R3HDM1: variants seen among roughly 807,000 people sequenced by gnomAD.
R3HDM1 encodes R3H domain-containing protein 1.
Under a neutral mutation model 141.1 loss-of-function variants are expected in R3HDM1, and 46 were observed. The ratio of observed to expected loss-of-function variants is 0.33; its 90% confidence interval spans 0.26 to 0.42. R3HDM1 has a LOEUF of 0.42. Ranked by LOEUF, R3HDM1 falls within the 10% of genes least tolerant of loss-of-function variation. The pLI, the probability that R3HDM1 is intolerant of heterozygous loss-of-function variation, is 1.00. For synonymous variants in R3HDM1, 435 were observed against 472.9 expected, an observed-to-expected ratio of 0.92 and a Z score of 1.04; for missense variants, 1,184 against 1,368.3, an observed-to-expected ratio of 0.87 and a Z score of 2.12.
chr2:135,697,138 A>G (rs2073362498), intron 21 of R3HDM1, among the ~76,000 whole-genome samples: 1 of 152,194 alleles, frequency 6.6e-6, no homozygotes. Flanking sequence ...CACCTTTACT[A>G]AAAATACAAG....
chr2:135,674,288 A>C (rs2068814869), intron 19 of R3HDM1, among the ~76,000 whole-genome samples: 1 of 152,238 alleles, frequency 6.6e-6, no homozygotes, highest in African/African-American at 2.4e-5. Flanking sequence ...GATATAAATG[A>C]AAACTGATAA....
intron 15 of R3HDM1, 125 bp downstream of exon 15, chr2:135,641,915 C>A (rs2063823728): frequency 8.3e-7 from 1 of 1,210,364 alleles, no homozygotes; most frequent in Non-Finnish European, 1.1e-6. Flanking sequence ...TTTCCAAGAA[C>A]TTTATAACAA....
At chr2:135,576,230 TA>T (rs113803099) in intron 1 of R3HDM1, among the ~76,000 whole-genome samples, 1 of 151,908 alleles carries the variant, frequency 6.6e-6, no homozygotes, top group Non-Finnish European at 1.5e-5. Context: ...AAACCCTGAC[TA>T]AAAAATTAGC....
chr2:135,581,092 G>A (rs1273877251), intron 1 of R3HDM1: 1 of 702,300 alleles, frequency 1.4e-6, no homozygotes, highest in Non-Finnish European at 1.7e-6. Flanking sequence ...TCTATGGTAT[G>A]AAGAATAAAT....
intron 3 of R3HDM1, 24 bp downstream of exon 3, chr2:135,605,040 T>A (rs1264413597): frequency 6.7e-7 from 1 of 1,485,464 alleles, no homozygotes; most frequent in Non-Finnish European, 9.3e-7. Flanking sequence ...TTTCTCTGGC[T>A]ACAAATACTA....
chr2:135,575,731 C>T (rs1490524066), intron 1 of R3HDM1, among the ~76,000 whole-genome samples: 1 of 152,044 alleles, frequency 6.6e-6, no homozygotes, highest in Non-Finnish European at 1.5e-5. Context: ...ATGTACAAAA[C>T]CTACAGGAAG....
At chr2:135,702,868 T>C (rs1233036834) in intron 21 of R3HDM1, among the ~76,000 whole-genome samples, 1 of 152,028 alleles carries the variant, frequency 6.6e-6, no homozygotes, top group Non-Finnish European at 1.5e-5. Flanking sequence ...ACTTAAGAGG[T>C]GGCAAAAGAG....
chr2:135,636,420 G>A (rs193242330), intron 11 of R3HDM1, among the ~76,000 whole-genome samples: 189 of 152,250 alleles, frequency 1.2e-3, no homozygotes, highest in Admixed American at 3.2e-3. Context: ...GACTACAGGA[G>A]TCATTAAAAG....
chr2:135,562,401 T>G (rs1701960138), intron 1 of R3HDM1, among the ~76,000 whole-genome samples: 2 of 152,218 alleles, frequency 1.3e-5, no homozygotes, highest in Admixed American at 1.3e-4. Context: ...TAAAGTTGAG[T>G]ATTAGATGAT....
intron 21 of R3HDM1, among the ~76,000 whole-genome samples, chr2:135,709,086 AT>A (rs1160007037): frequency 6.6e-6 from 1 of 150,800 alleles, no homozygotes. Context: ...TGTTTCCTCT[AT>A]TCTTAGTAAT....
chr2:135,664,429 A>AT (rs889669988), intron 19 of R3HDM1, among the ~76,000 whole-genome samples: 25 of 152,046 alleles, frequency 1.6e-4, no homozygotes, highest in Middle Eastern at 3.4e-3. Flanking sequence ...ACTTGGAGCA[A>AT]TTTTTTTTCA....
intron 2 of R3HDM1, 92 bp from the exon 3 acceptor site, chr2:135,604,714 A>T: frequency 1.0e-6 from 1 of 999,136 alleles, no homozygotes; most frequent in Non-Finnish European, 1.5e-6. Context: ...TATATTCAAC[A>T]TTATTTCTGG....
chr2:135,581,242 G>C, intron 1 of R3HDM1: 1 of 985,364 alleles, frequency 1.0e-6, no homozygotes. Flanking sequence ...AAGAAAGTGG[G>C]GTATAAGATC....
chr2:135,704,919 C>T (rs2074706020), intron 21 of R3HDM1, among the ~76,000 whole-genome samples: 1 of 152,122 alleles, frequency 6.6e-6, no homozygotes, highest in African/African-American at 2.4e-5. Flanking sequence ...TATTGCAGAA[C>T]ATTTAGGTCG....
chr2:135,566,702 A>G, intron 1 of R3HDM1: 1 of 980,962 alleles, frequency 1.0e-6, no homozygotes. Flanking sequence ...CAAGAGGTTC[A>G]GATTAAGGTT....
intron 25 of R3HDM1, among the ~76,000 whole-genome samples, chr2:135,722,236 G>C (rs964385454): frequency 6.6e-6 from 1 of 152,214 alleles, no homozygotes; most frequent in Admixed American, 6.5e-5. Flanking sequence ...AGACAAGGCA[G>C]TGGCTAGGGA....
At chr2:135,611,834 G>A (rs1298232446) in intron 3 of R3HDM1, among the ~76,000 whole-genome samples, 1 of 152,078 alleles carries the variant, frequency 6.6e-6, no homozygotes, top group Admixed American at 6.6e-5. Flanking sequence ...CTTGTGCTGC[G>A]TAAAGATGTT....
At position 135,641,690 on chromosome 2, in the gene R3HDM1, C is replaced by T. The variant is rs762033269; in HGVS notation, c.1374C>T (p.Gly458=). 7.4e-6 allele frequency: 12 copies of T among 1,613,936 alleles called. No homozygotes were observed. In the East Asian group the frequency reaches 2.5e-4, roughly 33 times the overall value. Residue 458 remains glycine (G), a synonymous_variant, in exon 15 of 27, where the codon GGC becomes GGT. Coordinates refer to ENST00000683871, the MANE Select transcript of R3HDM1 (RefSeq NM_001378107.1). ...STHSSLSFDG[G]LNGQVASPST... is the part of the protein sequence containing the mutation. ...ATAGTTCTCTTTCCTTTGATGGTGGCCTAAATGGGCAAGTCGCATCTCCTA... is the reference window on the plus strand; with the variant it reads ...ATAGTTCTCTTTCCTTTGATGGTGGTCTAAATGGGCAAGTCGCATCTCCTA...
intron 16 of R3HDM1, among the ~76,000 whole-genome samples, chr2:135,647,643 A>G (rs892736099): frequency 2.0e-5 from 3 of 152,196 alleles, no homozygotes; most frequent in African/African-American, 7.2e-5. Flanking sequence ...AGATCCAGAA[A>G]CAGAGACTCA....
Sources: gnomAD v4.1 joint callset for allele counts (sites outside exome capture counted in the v4.1 genomes callset) on GRCh38, gnomAD v4.1.1 for gene constraint, MANE v1.5 for transcripts, NCBI Gene and HGNC (gene_info 2026-07-23, HGNC 2026-07-21) for gene names.